The following CACNA1C variants were observed in gnomAD, a reference collection of about 807,000 sequenced individuals.
CACNA1C encodes voltage-dependent L-type calcium channel subunit alpha-1C.
Under a neutral mutation model 229.0 loss-of-function variants are expected in CACNA1C, and 30 were observed. The ratio of observed to expected loss-of-function variants is 0.13; its 90% CI spans 0.10 to 0.18. CACNA1C has a LOEUF of 0.18. Among genes scored for constraint, CACNA1C ranks in the 10% least tolerant of loss-of-function variants. The pLI, the probability that CACNA1C is intolerant of heterozygous loss-of-function variation, is 1.00. For synonymous variants in CACNA1C, 1,114 were observed against 1,132.5 expected (o/e 0.98, Z 0.33); for missense variants, 1,658 against 2,845.0 (o/e 0.58, Z 9.49).
At chr12:2,562,005 G>A (rs768672489) in intron 11 of CACNA1C, among the ~76,000 whole-genome samples, 3 of 152,160 alleles carry the variant, frequency 2.0e-5, no homozygotes, top group Non-Finnish European at 4.4e-5. Context: ...GTCAAGCAAA[G>A]CTATATTTTG....
chr12:2,593,353 G>A lies in CACNA1C; in HGVS notation c.2663+8G>A. The A allele has an allele frequency of 6.2e-7, 1 of 1,613,426 alleles. No individual in the cohort carries two copies. Among genetic ancestry groups the A allele is most frequent in the Non-Finnish European group, 8.5e-7 (1 of 1,179,728 alleles). On this transcript the variant is annotated splice_region_variant and intron_variant, in intron 19 of 46. Coordinates refer to ENST00000399655, the MANE Select transcript of CACNA1C (RefSeq NM_000719.7). ...CTTCAGCTCTAACAACAGGTGTGCAGCAATGGTGGGGAAGGTGGGGTCCTG... is the reference window on the plus strand; with the variant it reads ...CTTCAGCTCTAACAACAGGTGTGCAACAATGGTGGGGAAGGTGGGGTCCTG...
At chr12:2,583,877 C>T (rs1314414814) in intron 15 of CACNA1C, among the ~76,000 whole-genome samples, 2 of 152,272 alleles carry the variant, frequency 1.3e-5, no homozygotes, top group Non-Finnish European at 2.9e-5. Flanking sequence ...TGCCTGGGGC[C>T]GGGGGTCAGA....
rs902752666 is a variant in CACNA1C at position 2,653,566 on chromosome 12, C to T, written c.4075-269C>T. On this transcript the variant is annotated intron_variant, in intron 32 of 46. Coordinates refer to ENST00000399655, the MANE Select transcript of CACNA1C (RefSeq NM_000719.7). The surrounding 1 kb of genome is among the most constrained non-coding windows in gnomAD (Gnocchi z 4.7). Reference sequence around the variant, plus strand: ...ATGTGTAGTCGGAGGAGGTTTTGCTCGTTCTTGATTGTTTTGCCCAGGTAG... The same window carrying T: ...ATGTGTAGTCGGAGGAGGTTTTGCTTGTTCTTGATTGTTTTGCCCAGGTAG... Among the ~76,000 whole-genome samples, 16 of 152,026 alleles carry T rather than the reference C, an allele frequency of 1.1e-4. No individual in the cohort carries two copies. Among genetic ancestry groups the T allele is most frequent in the Non-Finnish European group, 2.1e-4 (14 of 67,990 alleles).
intron 13 of CACNA1C, among the ~76,000 whole-genome samples, chr12:2,578,893 C>T (rs1600855554): frequency 6.6e-6 from 1 of 152,110 alleles, no homozygotes; most frequent in African/African-American, 2.4e-5. Flanking sequence ...GGCCTTCGCT[C>T]TAGGAGATCC....
intron 38 of CACNA1C, among the ~76,000 whole-genome samples, chr12:2,671,317 C>G: frequency 6.6e-6 from 1 of 152,176 alleles, no homozygotes; most frequent in Non-Finnish European, 1.5e-5. Context: ...CCGGCCAAAA[C>G]ACACATTTAA....
chr12:1,995,642 C>A (rs1203503623), intron 1 of CACNA1C, among the ~76,000 whole-genome samples: 1 of 152,236 alleles, frequency 6.6e-6, no homozygotes, highest in Non-Finnish European at 1.5e-5. Context: ...GAGCTCCCTC[C>A]TGCCCAGCAT....
At chr12:2,688,346 C>T in intron 45 of CACNA1C, 101 bp from the exon 46 acceptor site, 1 of 1,090,430 alleles carries the variant, frequency 9.2e-7, no homozygotes, top group Non-Finnish European at 1.4e-6. Context: ...GTGGAGCTAG[C>T]TGGACACAGC....
At chr12:2,425,599 G>A (rs2099022621) in intron 3 of CACNA1C, among the ~76,000 whole-genome samples, 1 of 152,182 alleles carries the variant, frequency 6.6e-6, no homozygotes, top group Non-Finnish European at 1.5e-5. Flanking sequence ...TGAGAGCAGG[G>A]AACCCTGGTC....
intron 18 of CACNA1C, among the ~76,000 whole-genome samples, chr12:2,586,157 T>A (rs1327700980): frequency 6.6e-6 from 1 of 152,256 alleles, no homozygotes; most frequent in Non-Finnish European, 1.5e-5. Flanking sequence ...CAAGTTGGAT[T>A]CAGTGTACAT....
chr12:2,318,564 C>T (rs1378482190), intron 3 of CACNA1C, among the ~76,000 whole-genome samples: 1 of 152,236 alleles, frequency 6.6e-6, no homozygotes, highest in East Asian at 1.9e-4. Flanking sequence ...ATGGCTCCTG[C>T]CCTCAAGGGG....
intron 3 of CACNA1C, among the ~76,000 whole-genome samples, chr12:2,121,104 G>A (rs2086506035): frequency 6.6e-6 from 1 of 152,166 alleles, no homozygotes. Flanking sequence ...AAGAGCTCTG[G>A]AATGCAGTTG....
chr12:2,088,411 T>A (rs2068594364), intron 1 of CACNA1C, among the ~76,000 whole-genome samples: 1 of 152,150 alleles, frequency 6.6e-6, no homozygotes, highest in Non-Finnish European at 1.5e-5. Context: ...GAGCACGTAC[T>A]TTGCTGTCAG....
chr12:2,230,774 T>TC (rs1206500696), intron 3 of CACNA1C, among the ~76,000 whole-genome samples: 1 of 152,210 alleles, frequency 6.6e-6, no homozygotes, highest in Non-Finnish European at 1.5e-5. Context: ...CTAACCCTTC[T>TC]CCGGTGCTTA....
intron 3 of CACNA1C, among the ~76,000 whole-genome samples, chr12:2,263,260 G>A (rs377033460): frequency 8.0e-5 from 12 of 149,116 alleles, no homozygotes; most frequent in South Asian, 2.2e-4. Context: ...GGCCAGGTGC[G>A]GAGGCCCTCA....
intron 29 of CACNA1C, among the ~76,000 whole-genome samples, chr12:2,628,910 A>G (rs2088789414): frequency 6.6e-6 from 1 of 152,204 alleles, no homozygotes; most frequent in African/African-American, 2.4e-5. Flanking sequence ...GATTTTGGTC[A>G]TCATCCTCTG....
intron 3 of CACNA1C, among the ~76,000 whole-genome samples, chr12:2,247,047 A>T (rs911499478): frequency 2.0e-5 from 3 of 152,240 alleles, no homozygotes; most frequent in African/African-American, 4.8e-5. Flanking sequence ...TAAAGTAAGA[A>T]AGGCTAAATC....
chr12:2,343,909 CT>C (rs1490561402), intron 3 of CACNA1C, among the ~76,000 whole-genome samples: 1 of 152,150 alleles, frequency 6.6e-6, no homozygotes, highest in African/African-American at 2.4e-5. Context: ...AAGTGTATTA[CT>C]TTTTGACTGC....
intron 3 of CACNA1C, among the ~76,000 whole-genome samples, chr12:2,300,965 A>T (rs2094510984): frequency 6.6e-6 from 1 of 152,210 alleles, no homozygotes; most frequent in Non-Finnish European, 1.5e-5. Context: ...CCTGGATGGA[A>T]GGTGAGGGTC....
chr12:1,978,369 A>G (rs2035066275), intron 1 of CACNA1C, among the ~76,000 whole-genome samples: 1 of 152,244 alleles, frequency 6.6e-6, no homozygotes. Flanking sequence ...GCAAAGTAAT[A>G]AAGAGTTAGT....
Sources: allele counts gnomAD v4.1 joint callset (sites outside exome capture counted in the v4.1 genomes callset), GRCh38; gene constraint gnomAD v4.1.1; non-coding constraint Gnocchi (gnomAD v3.1); transcripts MANE v1.5; gene names NCBI Gene and HGNC (gene_info 2026-07-23, HGNC 2026-07-21).